CDC14B: variants seen among roughly 807,000 people sequenced by gnomAD.
The protein encoded by CDC14B is dual specificity protein phosphatase CDC14B.
Under a neutral mutation model 64.2 loss-of-function variants are expected in CDC14B, and 22 were observed. The observed-to-expected ratio is 0.34, with a 90% CI of 0.24 to 0.49. The LOEUF is 0.49. Among genes scored for constraint, CDC14B ranks in the 20% least tolerant of loss-of-function variants. The pLI, the probability that CDC14B is intolerant of heterozygous loss-of-function variation, is 0.99. For missense variants in CDC14B, 498 were observed against 629.9 expected (o/e 0.79, Z 2.24); for synonymous variants, 191 against 215.8 (o/e 0.89, Z 1.01).
chr9:96,556,944 G>C (rs886849147), intron 4 of CDC14B, among the ~76,000 whole-genome samples: 2 of 152,168 alleles, frequency 1.3e-5, no homozygotes, highest in African/African-American at 4.8e-5. Flanking sequence ...TCCTCTGGCC[G>C]TATTTATAGA....
intron 1 of CDC14B, among the ~76,000 whole-genome samples, chr9:96,583,403 A>ATTG (rs1305177400): frequency 6.9e-6 from 1 of 145,982 alleles, no homozygotes; most frequent in Non-Finnish European, 1.5e-5. Context: ...TATTATTATT[A>ATTG]TTATTATTAT....
chr9:96,518,629 T>G (rs1454034521), intron 12 of CDC14B, among the ~76,000 whole-genome samples: 1 of 152,126 alleles, frequency 6.6e-6, no homozygotes, highest in African/African-American at 2.4e-5. Flanking sequence ...CACCATCTTA[T>G]TTAATCTTCC....
chr9:96,611,651 T>C (rs1157381932), intron 1 of CDC14B, among the ~76,000 whole-genome samples: 2 of 152,220 alleles, frequency 1.3e-5, no homozygotes, highest in Non-Finnish European at 2.9e-5. Flanking sequence ...CATTTCTTCT[T>C]TATATCCTAT....
chr9:96,557,899 G>A (rs1343994204), intron 4 of CDC14B, among the ~76,000 whole-genome samples: 2 of 152,190 alleles, frequency 1.3e-5, no homozygotes, highest in Admixed American at 6.6e-5. Flanking sequence ...TACACAAAAT[G>A]CTTGGCATTT....
At chr9:96,566,735 C>A in intron 1 of CDC14B, 7 of 1,588,448 alleles carry the variant, frequency 4.4e-6, no homozygotes, top group Non-Finnish European at 6.0e-6. Context: ...GGTGCCGGAG[C>A]CCCCAGGGGA....
rs1847858486 is a variant in CDC14B at position 96,619,748 on chromosome 9, CACCGCG to C, written c.-376_-371del. On this transcript the variant is annotated 5_prime_UTR_variant, in exon 1 of 14. Transcript: ENST00000375241. ...GCTGCCCGGGGTAACCGTGCGTGCC[CACCGCG>C]GCCGCGGCCGCTGCTGCGTAGGCGC... 2 of 151,076 alleles carry C rather than the reference CACCGCG, an allele frequency of 1.3e-5. No individual in the cohort carries two copies. Among genetic ancestry groups the C allele is most frequent in the African/African-American group, 4.8e-5 (2 of 41,274 alleles). 9.4% of individuals were successfully genotyped at this position (151,076 alleles called of 1,614,324 possible).
intron 4 of CDC14B, among the ~76,000 whole-genome samples, chr9:96,557,853 CT>C (rs1393681309): frequency 6.6e-6 from 1 of 152,172 alleles, no homozygotes; most frequent in East Asian, 1.9e-4. Flanking sequence ...AATTTGCAAG[CT>C]ACGTGCCAAA....
intron 1 of CDC14B, among the ~76,000 whole-genome samples, chr9:96,579,239 AGG>A (rs1844991690): frequency 6.6e-6 from 1 of 152,176 alleles, no homozygotes; most frequent in South Asian, 2.1e-4. Flanking sequence ...AGGGCCTTTA[AGG>A]AAGAAATCAA....
chr9:96,523,793 A>C, intron 9 of CDC14B, 68 bp from the exon 10 acceptor site: 1 of 1,542,896 alleles, frequency 6.5e-7, no homozygotes, highest in South Asian at 1.2e-5. Flanking sequence ...TTGGGCAGGC[A>C]GAATTTTTTT....
intron 1 of CDC14B, among the ~76,000 whole-genome samples, chr9:96,616,465 C>T (rs1028565282): frequency 1.3e-5 from 2 of 152,202 alleles, no homozygotes; most frequent in African/African-American, 4.8e-5. Context: ...AAGGCTCACG[C>T]CTGTAATCCC....
At chr9:96,606,012 A>G (rs1588069996) in intron 1 of CDC14B, among the ~76,000 whole-genome samples, 1 of 151,944 alleles carries the variant, frequency 6.6e-6, no homozygotes, top group East Asian at 1.9e-4. Context: ...AAAACTTAAT[A>G]TTTATATTCA....
intron 12 of CDC14B, 88 bp from the exon 13 acceptor site, chr9:96,509,877 C>T: frequency 1.3e-6 from 1 of 782,536 alleles, no homozygotes; most frequent in Non-Finnish European, 2.1e-6. Context: ...CACTTTAGTG[C>T]AAATTATCTT....
intron 5 of CDC14B, among the ~76,000 whole-genome samples, chr9:96,546,518 C>T (rs1840873240): frequency 6.6e-6 from 1 of 151,732 alleles, no homozygotes; most frequent in Non-Finnish European, 1.5e-5. Context: ...GACACGATCT[C>T]AGCTCACTGC....
rs937093085 is a variant in CDC14B at position 96,614,840 on chromosome 9, CTGTTT to C, written c.160+4374_160+4378del. 3.3e-5 allele frequency among the ~76,000 whole-genome samples: 5 copies of C among 151,892 alleles called. No individual in the cohort carries two copies. In the East Asian group the frequency reaches 5.8e-4, roughly 18 times the overall value. On this transcript the variant is annotated intron_variant, in intron 1 of 13. Coordinates refer to ENST00000375241, the MANE Select transcript of CDC14B (RefSeq NM_033331.4). ...CTTTAATGCTTACAGTTTACACCGC[CTGTTT>C]TGTTTTGTTTTTTGAGGTGGAGTCT... is the stretch of plus-strand genomic sequence containing the variant.
At chr9:96,614,051 G>A (rs1847478065) in intron 1 of CDC14B, among the ~76,000 whole-genome samples, 1 of 151,946 alleles carries the variant, frequency 6.6e-6, no homozygotes, top group African/African-American at 2.4e-5. Flanking sequence ...TGGCAATCCT[G>A]ACCTCAATTA....
downstream of CDC14B, among the ~76,000 whole-genome samples, chr9:96,496,730 G>T (rs540318051): frequency 1.3e-5 from 2 of 152,248 alleles, no homozygotes; most frequent in Admixed American, 6.5e-5. Context: ...AGGTGCAGCG[G>T]ACCCGCTCCC....
intron 9 of CDC14B, among the ~76,000 whole-genome samples, chr9:96,527,575 C>T: frequency 6.6e-6 from 1 of 152,120 alleles, no homozygotes; most frequent in Non-Finnish European, 1.5e-5. Context: ...TTTCATCTTA[C>T]AAAACGGAAA....
intron 1 of CDC14B, among the ~76,000 whole-genome samples, chr9:96,594,064 A>G (rs1845926955): frequency 6.6e-6 from 1 of 152,240 alleles, no homozygotes; most frequent in African/African-American, 2.4e-5. Flanking sequence ...CCTCTGGAAA[A>G]AGCAACTAAC....
chr9:96,550,139 A>C (rs1194449790), intron 5 of CDC14B, among the ~76,000 whole-genome samples: 1 of 152,240 alleles, frequency 6.6e-6, no homozygotes, highest in Non-Finnish European at 1.5e-5. Context: ...TTTTAAAGGA[A>C]GAATGTGGTT....
Sources: gnomAD v4.1 joint callset for allele counts (sites outside exome capture counted in the v4.1 genomes callset) on GRCh38, gnomAD v4.1.1 for gene constraint, MANE v1.5 for transcripts, NCBI Gene and HGNC (gene_info 2026-07-23, HGNC 2026-07-21) for gene names.